The following GALK2 variants were observed in gnomAD, a reference collection of about 807,000 sequenced individuals.
GALK2 encodes the protein galactokinase 2, also known as N-acetylgalactosamine kinase.
A neutral mutation model predicts 52.4 loss-of-function variants in GALK2; 36 were observed. That is an observed-to-expected ratio of 0.69 (90% CI 0.53 to 0.91). The LOEUF is 0.91. Ranked by LOEUF, GALK2 falls within the 40% of genes least tolerant of loss-of-function variation. The pLI, the probability that GALK2 is intolerant of heterozygous loss-of-function variation, is 0.00. For synonymous variants in GALK2, 176 were observed against 199.1 expected (o/e 0.88, Z 0.98); for missense variants, 579 against 559.1 (o/e 1.04, Z -0.36).
At chr15:49,157,260 T>G (rs2084490039) in intron 1 of GALK2, among the ~76,000 whole-genome samples, 2 of 152,172 alleles carry the variant, frequency 1.3e-5, no homozygotes, top group South Asian at 4.1e-4. Flanking sequence ...AAGTAAAAGC[T>G]TTCCTGACTC....
intron 5 of GALK2, among the ~76,000 whole-genome samples, chr15:49,239,907 C>T (rs866021339): frequency 6.6e-6 from 1 of 152,170 alleles, no homozygotes; most frequent in South Asian, 2.1e-4. Flanking sequence ...AAATCTCTGA[C>T]TCTGCAGTTT....
intron 3 of GALK2, among the ~76,000 whole-genome samples, chr15:49,230,034 A>G (rs1240965316): frequency 6.6e-6 from 1 of 152,146 alleles, no homozygotes; most frequent in Non-Finnish European, 1.5e-5. Flanking sequence ...AGTTATTGCC[A>G]GTGGCTTACA....
chr15:49,194,425 T>G (rs2087027587), intron 1 of GALK2, among the ~76,000 whole-genome samples: 1 of 152,206 alleles, frequency 6.6e-6, no homozygotes, highest in Non-Finnish European at 1.5e-5. Context: ...ATTATTCCAC[T>G]GAAGTCTGCT....
intron 8 of GALK2, among the ~76,000 whole-genome samples, chr15:49,313,505 C>T (rs931798505): frequency 7.2e-5 from 11 of 152,316 alleles, no homozygotes; most frequent in Admixed American, 2.6e-4. Flanking sequence ...GTGACATCTC[C>T]CACTACTGGT....
At chr15:49,254,677 A>C (rs1460027206) in intron 5 of GALK2, among the ~76,000 whole-genome samples, 1 of 144,306 alleles carries the variant, frequency 6.9e-6, no homozygotes, top group East Asian at 1.9e-4. Context: ...ATTTATTGGA[A>C]AAATTTAAAA....
chr15:49,299,739 C>CTTTCTTTCTTTCTTTTTTTTT (rs2034847092), intron 8 of GALK2, among the ~76,000 whole-genome samples: 1 of 76,326 alleles, frequency 1.3e-5, no homozygotes, highest in African/African-American at 5.3e-5. Context: ...TCTTTCTTTT[C>CTTTCTTTCTTTCTTTTTTTTT]TTTCTTTCTT....
chr15:49,228,431 T>C (rs2090262590), intron 3 of GALK2, among the ~76,000 whole-genome samples: 1 of 151,388 alleles, frequency 6.6e-6, no homozygotes, highest in Non-Finnish European at 1.5e-5. Flanking sequence ...TTTCCTTATA[T>C]TTGTCTGACT....
chr15:49,335,129 G>C (rs1182844416), downstream of GALK2, among the ~76,000 whole-genome samples: 1 of 152,106 alleles, frequency 6.6e-6, no homozygotes, highest in African/African-American at 2.4e-5. Context: ...GTAAATGGAC[G>C]ATACTCCAGT....
intron 3 of GALK2, chr15:49,365,810 G>C (rs2045064411): frequency 1.1e-6 from 1 of 872,734 alleles, no homozygotes; most frequent in African/African-American, 1.6e-5. Context: ...AGTCCAGAGA[G>C]AAACATAAGT....
At chr15:49,200,556 A>AG (rs1204536725) in intron 1 of GALK2, among the ~76,000 whole-genome samples, 2 of 152,230 alleles carry the variant, frequency 1.3e-5, no homozygotes, top group East Asian at 3.8e-4. Context: ...GACACGGCAG[A>AG]GATTAGAGTA....
Position 49,283,497 on chromosome 15 carries a change from T to C in GALK2, c.604-69T>C, listed in dbSNP as rs1325938961. 3.0e-6 allele frequency: 4 copies of C among 1,354,804 alleles called. No individual in the cohort carries two copies. In the Admixed American group the frequency reaches 7.9e-5, roughly 27 times the overall value. The allele number at this position is 1,354,804 out of a possible 1,614,324, so 83.9% of individuals were successfully genotyped here. ...TTTTGACAAAACACTTTAAGATAAATACATAAACACTTGAACATTTTCTGC... is the reference window on the plus strand; with the variant it reads ...TTTTGACAAAACACTTTAAGATAAACACATAAACACTTGAACATTTTCTGC... On this transcript the variant is annotated intron_variant, in intron 6 of 9. Transcript: ENST00000560031.
upstream of GALK2, chr15:49,170,103 T>A: frequency 9.3e-7 from 1 of 1,076,678 alleles, no homozygotes; most frequent in Non-Finnish European, 1.3e-6. Flanking sequence ...AGGCTGTACC[T>A]GACTGCTGCT....
chr15:49,171,577 T>C (rs917700400), intron 1 of GALK2, among the ~76,000 whole-genome samples: 3 of 152,182 alleles, frequency 2.0e-5, no homozygotes, highest in Non-Finnish European at 4.4e-5. Flanking sequence ...AAGCATGATT[T>C]CTTATTATAG....
At chr15:49,355,947 A>G (rs2043085266) in intron 3 of GALK2, among the ~76,000 whole-genome samples, 1 of 151,480 alleles carries the variant, frequency 6.6e-6, no homozygotes. Flanking sequence ...AACATTCTTA[A>G]AGAAAAGAAT....
In GALK2 at chr15:49,308,136, A is replaced by G. The variant is rs528664068; in HGVS notation, c.968-11468A>G. Among the ~76,000 whole-genome samples the G allele has an allele frequency of 2.1e-4, 32 of 152,350 alleles. 1 individual carries two copies. In the East Asian group the frequency reaches 3.7e-3, roughly 17 times the overall value. On this transcript the variant is annotated intron_variant, in intron 8 of 9. Coordinates refer to ENST00000560031, the MANE Select transcript of GALK2 (RefSeq NM_002044.4). ...CAATTATATTGCTTAAATGCTCCAA[A>G]GAGTCTTTGCCTCAGAGCACGGACT...
intron 6 of GALK2, 45 bp from the exon 7 acceptor site, chr15:49,283,521 G>T (rs2032988446): frequency 6.7e-7 from 1 of 1,487,606 alleles, no homozygotes; most frequent in African/African-American, 1.4e-5. Flanking sequence ...AACATTTTCT[G>T]CATTCTAATA....
intron 5 of GALK2, among the ~76,000 whole-genome samples, chr15:49,263,043 C>T (rs779840882): frequency 7.9e-5 from 11 of 139,624 alleles, no homozygotes; most frequent in East Asian, 4.1e-4. Flanking sequence ...AATGTATATT[C>T]TGTTGATTTG....
intron 3 of GALK2, among the ~76,000 whole-genome samples, chr15:49,341,889 CAAGAGTATGGTTGAT>C (rs2040784117): frequency 6.6e-6 from 1 of 151,888 alleles, no homozygotes; most frequent in Non-Finnish European, 1.5e-5. Context: ...ATTTTTATTC[CAAGAGTATGGTTGAT>C]AAGAGTTTGG....
intron 7 of GALK2, among the ~76,000 whole-genome samples, chr15:49,289,643 C>T (rs923247529): frequency 6.6e-6 from 1 of 152,192 alleles, no homozygotes; most frequent in Non-Finnish European, 1.5e-5. Flanking sequence ...GAGCTTTACA[C>T]ATACAGGTTC....
Sources: gnomAD v4.1 joint callset for allele counts (sites outside exome capture counted in the v4.1 genomes callset) on GRCh38, gnomAD v4.1.1 for gene constraint, MANE v1.5 for transcripts, NCBI Gene and HGNC (gene_info 2026-07-23, HGNC 2026-07-21) for gene names.